Variants in EVI2B observed in about 807,000 individuals in gnomAD.
EVI2B encodes protein EVI2B.
EVI2B carries 4 observed loss-of-function variants against 6.6 expected under a neutral mutation model. The ratio of observed to expected loss-of-function variants is 0.61; its 90% CI spans 0.30 to 1.39. The LOEUF is 1.39. Among genes scored for constraint, EVI2B ranks in the 40% most tolerant of loss-of-function variants. EVI2B has a pLI of 0.08. For synonymous variants in EVI2B, 181 were observed against 186.8 expected, an observed-to-expected ratio of 0.97 and a Z score of 0.25; for missense variants, 484 against 516.6, an observed-to-expected ratio of 0.94 and a Z score of 0.61.
chr17:31,311,072 C>T (rs964535487), intron 1 of EVI2B, among the ~76,000 whole-genome samples: 5 of 151,628 alleles, frequency 3.3e-5, no homozygotes, highest in Non-Finnish European at 5.9e-5. Flanking sequence ...ACCTCAGCTT[C>T]CCTAAAGAAG....
intron 1 of EVI2B, among the ~76,000 whole-genome samples, chr17:31,313,180 A>T (rs2068925236): frequency 6.6e-6 from 1 of 152,170 alleles, no homozygotes; most frequent in East Asian, 1.9e-4. Context: ...TTCTAAATTA[A>T]GTGAAAGTGA....
intron 1 of EVI2B, chr17:31,308,003 G>A (rs1028932146): frequency 8.8e-5 from 90 of 1,021,520 alleles, no homozygotes; most frequent in Non-Finnish European, 1.2e-4. Flanking sequence ...TTCCCTATAC[G>A]AATAATTCAA....
chr17:31,313,006 TA>T (rs2068919116), intron 1 of EVI2B, among the ~76,000 whole-genome samples: 1 of 152,194 alleles, frequency 6.6e-6, no homozygotes, highest in Admixed American at 6.5e-5. Flanking sequence ...ATGATATTAA[TA>T]TACGCATGCA....
intron 1 of EVI2B, among the ~76,000 whole-genome samples, chr17:31,309,157 G>A (rs2068805797): frequency 6.6e-6 from 1 of 152,116 alleles, no homozygotes; most frequent in African/African-American, 2.4e-5. Flanking sequence ...TGTACCCAGG[G>A]CCACCTGATT....
At chr17:31,311,435 A>C (rs1413368209) in intron 1 of EVI2B, among the ~76,000 whole-genome samples, 2 of 152,212 alleles carry the variant, frequency 1.3e-5, no homozygotes, top group South Asian at 4.1e-4. Flanking sequence ...TTGATATAAT[A>C]AAAGTTGTGA....
chr17:31,305,597 A>T lies in EVI2B; in HGVS notation c.13T>A (p.Tyr5Asn). The change falls in exon 2 of 2, where the codon TAT becomes AAT. Residue 5 changes from tyrosine (Y) to asparagine (N), a missense_variant. Tyr to Asn is a moderately radical substitution (Grantham distance 143, BLOSUM62 -2). Coordinates refer to ENST00000330927, the MANE Select transcript of EVI2B (RefSeq NM_006495.4). Reference sequence around the variant, plus strand: ...CCACAAAACAAAATTAAGATGAAATATTTGGGATCCATTTCAGAATATTTC... The same window carrying T: ...CCACAAAACAAAATTAAGATGAAATTTTTGGGATCCATTTCAGAATATTTC... MDPK[Y>N]FILILFCGHL... 1.2e-6 allele frequency: 2 copies of T among 1,612,324 alleles called. No homozygotes were observed. Among genetic ancestry groups the T allele is most frequent in the Non-Finnish European group, 1.7e-6 (2 of 1,179,002 alleles).
Position 31,304,639 on chromosome 17 carries a change from G to T in EVI2B, c.971C>A (p.Ser324Ter). ...NGTSEDSADG[S>*]TVGTAVSSSD... ...AGAAGAAACAGCAGTTCCAACTGTTGAACCATCAGCACTATCTTCTGATGT... is the reference window on the plus strand; with the variant it reads ...AGAAGAAACAGCAGTTCCAACTGTTTAACCATCAGCACTATCTTCTGATGT... The change falls in exon 2 of 2, where the codon TCA becomes TAA. Residue 324 changes from serine to a stop codon, truncating the protein, a stop_gained. Coordinates refer to ENST00000330927, the MANE Select transcript of EVI2B (RefSeq NM_006495.4). LOFTEE classifies it low-confidence loss of function (END_TRUNC). The T allele has an allele frequency of 6.2e-7, 1 of 1,614,146 alleles. No individual in the cohort carries two copies. The highest frequency in any genetic ancestry group is 8.5e-7 in the Non-Finnish European group (1 of 1,180,002).
rs771757639 is a variant in EVI2B, at chr17:31,305,040, A to T, written c.570T>A (p.Ser190Arg). 6.2e-7 allele frequency: 1 copy of T among 1,614,188 alleles called. No homozygotes were observed. Among genetic ancestry groups the T allele is most frequent in the African/African-American group, 1.3e-5 (1 of 75,048 alleles). Residue 190 changes from serine (S) to arginine (R), a missense_variant, in exon 2 of 2, where the codon AGT (serine) becomes AGA (arginine). By Grantham distance (110) the Ser-to-Arg change is moderately radical. Coordinates refer to ENST00000330927, the MANE Select transcript of EVI2B (RefSeq NM_006495.4). ...TGTTTTTTTGTGGGGTTTGTTTGTT[A>T]CTGGTAGTATCTAAGATAAATCCTG... The part of the protein sequence containing the change: ...STPGFILDTT[S>R]NKQTPQKNNY...
In EVI2B at chr17:31,305,566, A is replaced by G. The variant is rs768424280; in HGVS notation, c.44T>C (p.Leu15Pro). The change falls in exon 2 of 2, where the codon CTG becomes CCG. Residue 15 changes from leucine (L) to proline (P), a missense_variant. Coordinates refer to ENST00000330927, the MANE Select transcript of EVI2B (RefSeq NM_006495.4). ...TGTCTTTGAAAAAAATGTATTGTTC[A>G]GGTGTCCACAAAACAAAATTAAGAT... ...YFILILFCGH[L>P]NNTFFSKTET... 1.9e-6 allele frequency: 3 copies of G among 1,613,906 alleles called. No homozygotes were observed. The South Asian group carries it at 3.3e-5, about 18-fold the overall frequency.
Position 31,305,443 on chromosome 17 carries a change from A to G in EVI2B, c.167T>C (p.Leu56Ser). The G allele has an allele frequency of 6.2e-7, 1 of 1,614,236 alleles. No individual in the cohort carries two copies. Among genetic ancestry groups the G allele is most frequent in the South Asian group, 1.1e-5 (1 of 91,086 alleles). Reference protein sequence around the residue: ...ANSQNTTGNPLGQPTQFSDTF... With the variant: ...ANSQNTTGNPSGQPTQFSDTF... Reference sequence around the variant, plus strand: ...GTCGCTGAATTGTGTTGGTTGACCCAAAGGATTCCCTGTTGTGTTTTGAGA... The same window carrying G: ...GTCGCTGAATTGTGTTGGTTGACCCGAAGGATTCCCTGTTGTGTTTTGAGA... Residue 56 changes from leucine to serine, a missense_variant, in exon 2 of 2, where the codon TTG becomes TCG. Physicochemically the swap from Leu to Ser is moderately radical, Grantham distance 145. Coordinates refer to ENST00000330927, the MANE Select transcript of EVI2B (RefSeq NM_006495.4).
At position 31,304,477 on chromosome 17, in the gene EVI2B, T is replaced by C; in HGVS notation, c.1133A>G (p.Asp378Gly). The change falls in exon 2 of 2, where the codon GAC becomes GGC. Residue 378 changes from aspartate to glycine, a missense_variant. Asp to Gly is a moderately conservative substitution (Grantham distance 94). Transcript: ENST00000330927. ...ATCTCCACAGTCTTGATTGAGACAG[T>C]CCAGAGATGGAGGGAGACTAGTAGA... ...NDSTSLPPSL[D>G]CLNQDCGDHK... 3.1e-6 allele frequency: 5 copies of C among 1,614,128 alleles called. No homozygotes were observed. Among genetic ancestry groups the C allele is most frequent in the Non-Finnish European group, 4.2e-6 (5 of 1,180,006 alleles).
At chr17:31,311,674 G>A (rs16972179) in intron 1 of EVI2B, among the ~76,000 whole-genome samples, 2,720 of 152,270 alleles carry the variant, frequency 0.018, 97 homozygotes, top group African/African-American at 0.062. Flanking sequence ...TAGCTAGGTG[G>A]TGGTTTTTTC....
At position 31,304,863 on chromosome 17, in the gene EVI2B, G is replaced by A. The variant is rs781203774; in HGVS notation, c.747C>T (p.Thr249=). 1.5e-5 allele frequency: 25 copies of A among 1,613,608 alleles called. No homozygotes were observed. The African/African-American group carries it at 3.1e-4, about 20-fold the overall frequency. The change falls in exon 2 of 2, where the codon ACC becomes ACT. Residue 249 remains threonine (T), a synonymous_variant. Transcript: ENST00000330927. ...TGATGTTATCCATACAAATGTCAGG[G>A]GTTTCTCCATCAGCAAATGGAGATC... ...AGRSPFADGE[T]PDICMDNIRE... is the part of the protein sequence containing the mutation.
chr17:31,309,514 C>T (rs951752260), intron 1 of EVI2B, among the ~76,000 whole-genome samples: 3 of 152,136 alleles, frequency 2.0e-5, no homozygotes, highest in East Asian at 1.9e-4. Context: ...CAAAAAAAGG[C>T]GGGGGGACTT....
chr17:31,304,086 TAAATAACTTTTTTTA>T lies in EVI2B; in HGVS notation c.*162_*176del, dbSNP rs535624758. The T allele has an allele frequency of 8.3e-4, 458 of 554,632 alleles. 7 individuals carry two copies. The South Asian group carries it at 0.012, about 15-fold the overall frequency. 34.4% of individuals were successfully genotyped at this position (554,632 alleles called of 1,614,324 possible). On this transcript the variant is annotated 3_prime_UTR_variant, in exon 2 of 2. Coordinates refer to ENST00000330927, the MANE Select transcript of EVI2B (RefSeq NM_006495.4). ...CTATAATTAGTAAATAGATTACTGT[TAAATAACTTTTTTTA>T]AAAAAAAGTTTCATCTATGCACATA...
chr17:31,304,511 G>C lies in EVI2B; in HGVS notation c.1099C>G (p.Pro367Ala), dbSNP rs926257220. Residue 367 changes from proline to alanine, a missense_variant, in exon 2 of 2, where the codon CCA (proline) becomes GCA (alanine). Pro to Ala is a conservative substitution (Grantham distance 27, BLOSUM62 -1). Coordinates refer to ENST00000330927, the MANE Select transcript of EVI2B (RefSeq NM_006495.4). ...KPTMTIVSPLPNDSTSLPPSL... is the reference protein window; with the variant it reads ...KPTMTIVSPLANDSTSLPPSL... ...GGAGGGAGACTAGTAGAATCATTTG[G>C]AAGAGGAGATACAATTGTCATTGTG... The C allele has an allele frequency of 6.2e-7, 1 of 1,614,158 alleles. No individual in the cohort carries two copies. Among genetic ancestry groups the C allele is most frequent in the Non-Finnish European group, 8.5e-7 (1 of 1,180,018 alleles).
intron 1 of EVI2B, 66 bp from the exon 2 acceptor site, chr17:31,305,696 A>G: frequency 7.2e-7 from 1 of 1,391,886 alleles, no homozygotes; most frequent in Non-Finnish European, 9.7e-7. Flanking sequence ...TAAAAATTTG[A>G]CTTTTCATTA....
intron 1 of EVI2B, among the ~76,000 whole-genome samples, chr17:31,306,725 C>T (rs2068731318): frequency 6.6e-6 from 1 of 151,812 alleles, no homozygotes; most frequent in Admixed American, 6.6e-5. Flanking sequence ...GTCAAGTAGT[C>T]CTGCTGCTGC....
intron 1 of EVI2B, among the ~76,000 whole-genome samples, chr17:31,310,981 C>G (rs2151516778): frequency 6.8e-6 from 1 of 147,168 alleles, no homozygotes; most frequent in East Asian, 2.0e-4. Context: ...GGGTCTCACT[C>G]TGTCACCCGG....
Sources: gnomAD v4.1 joint callset for allele counts (sites outside exome capture counted in the v4.1 genomes callset) on GRCh38, gnomAD v4.1.1 for gene constraint, MANE v1.5 for transcripts, NCBI Gene and HGNC (gene_info 2026-07-23, HGNC 2026-07-21) for gene names.